TCF7L2: variants seen among roughly 807,000 people sequenced by gnomAD.
TCF7L2 encodes transcription factor 7-like 2.
In TCF7L2, 23 loss-of-function variants were observed where a neutral mutation model predicts 77.9. That is an observed-to-expected ratio of 0.30 (90% CI 0.21 to 0.42). TCF7L2 has a LOEUF of 0.42. TCF7L2 is among the 10% of genes least tolerant of loss of function. The pLI is 1.00. For synonymous variants in TCF7L2, 413 were observed against 340.2 expected (o/e 1.21, Z -2.36); for missense variants, 654 against 793.1 (o/e 0.82, Z 2.11).
At chr10:113,071,596 TG>T (rs1051907312) in intron 5 of TCF7L2, among the ~76,000 whole-genome samples, 1 of 152,224 alleles carries the variant, frequency 6.6e-6, no homozygotes, top group African/African-American at 2.4e-5. Context: ...TTTTCCGTTC[TG>T]GGCAGCAGCT....
chr10:113,044,417 G>A (rs1453547003), intron 5 of TCF7L2, among the ~76,000 whole-genome samples: 2 of 152,174 alleles, frequency 1.3e-5, no homozygotes, highest in African/African-American at 4.8e-5. Flanking sequence ...GCACCCTCTT[G>A]GTTATTAAAC....
At chr10:113,155,970 T>C (rs1307681523) in intron 11 of TCF7L2, among the ~76,000 whole-genome samples, 2 of 152,216 alleles carry the variant, frequency 1.3e-5, no homozygotes, top group Non-Finnish European at 2.9e-5. Flanking sequence ...AGCTCCCAAG[T>C]TGCACAGGCC....
intron 5 of TCF7L2, among the ~76,000 whole-genome samples, chr10:113,131,008 C>T (rs576099704): frequency 5.2e-4 from 79 of 152,066 alleles, no homozygotes; most frequent in Non-Finnish European, 1.1e-3. Flanking sequence ...TCAGGTGATC[C>T]GCCCGTCTCG....
At chr10:113,100,786 C>T (rs546373774) in intron 5 of TCF7L2, among the ~76,000 whole-genome samples, 1 of 152,298 alleles carries the variant, frequency 6.6e-6, no homozygotes, top group African/African-American at 2.4e-5. Context: ...AAAGAAATTC[C>T]ATCCTTCGGC....
chr10:113,102,978 A>G (rs965441558), intron 5 of TCF7L2, among the ~76,000 whole-genome samples: 1 of 152,250 alleles, frequency 6.6e-6, no homozygotes, highest in African/African-American at 2.4e-5. Flanking sequence ...CACTTACTGT[A>G]TACCAGGCTC....
At chr10:113,160,083 G>A (rs2072885656) in intron 12 of TCF7L2, 91 bp downstream of exon 14, 6 of 1,178,674 alleles carry the variant, frequency 5.1e-6, no homozygotes, top group Non-Finnish European at 5.0e-6. Context: ...TTGTAGCTCT[G>A]TGTGTGGATC....
At chr10:113,108,493 T>C (rs1176007195) in intron 5 of TCF7L2, among the ~76,000 whole-genome samples, 3 of 152,126 alleles carry the variant, frequency 2.0e-5, no homozygotes, top group Non-Finnish European at 4.4e-5. Flanking sequence ...AGAGATGCCA[T>C]TGTTTTCTCA....
rs146018087 is a variant in TCF7L2, at chr10:113,063,722, G to A, written c.552+23596G>A. Reference sequence around the variant, plus strand: ...GATTCCTTGCCTCTCCCAAGGAGCCGGAGGGTGGAGAAAGCAACAAGAAAA... The same window carrying A: ...GATTCCTTGCCTCTCCCAAGGAGCCAGAGGGTGGAGAAAGCAACAAGAAAA... On this transcript the variant is annotated intron_variant, in intron 5 of 13. Transcript: ENST00000627217. Among the ~76,000 whole-genome samples, 943 of 152,226 alleles carry A rather than the reference G, an allele frequency of 6.2e-3. 12 individuals are homozygous for A. The highest frequency in any genetic ancestry group is 0.021 in the African/African-American group (868 of 41,548).
intron 5 of TCF7L2, among the ~76,000 whole-genome samples, chr10:113,045,148 A>G (rs975069565): frequency 2.0e-5 from 3 of 152,134 alleles, no homozygotes; most frequent in Non-Finnish European, 4.4e-5. Flanking sequence ...TGATTGATTC[A>G]TTCATTGTTT....
chr10:113,078,757 C>G (rs1176185116), intron 5 of TCF7L2, among the ~76,000 whole-genome samples: 1 of 152,048 alleles, frequency 6.6e-6, no homozygotes, highest in Non-Finnish European at 1.5e-5. Context: ...GTGCTATCTC[C>G]CTTGTCTTCA....
intron 5 of TCF7L2, among the ~76,000 whole-genome samples, chr10:113,094,408 G>A (rs376467898): frequency 6.6e-5 from 10 of 152,262 alleles, no homozygotes; most frequent in African/African-American, 1.4e-4. Context: ...TTTTCAGTAC[G>A]TGGTATGTAT....
chr10:113,103,360 G>A (rs1009478434), intron 5 of TCF7L2, among the ~76,000 whole-genome samples: 2 of 152,148 alleles, frequency 1.3e-5, no homozygotes, highest in African/African-American at 4.8e-5. Context: ...TGGCAACATA[G>A]ATTTTTGTTT....
chr10:113,081,865 T>TGCCCAGGCTGC (rs1251172641), intron 5 of TCF7L2, among the ~76,000 whole-genome samples: 1 of 152,182 alleles, frequency 6.6e-6, no homozygotes, highest in Non-Finnish European at 1.5e-5. Context: ...GTCGCTCTGT[T>TGCCCAGGCTGC]GCCCAGGCTG....
chr10:112,952,962 C>G (rs1412315023), intron 3 of TCF7L2, among the ~76,000 whole-genome samples: 1 of 151,968 alleles, frequency 6.6e-6, no homozygotes. Context: ...TCATTTTACA[C>G]CTTCTCCAGT....
At chr10:113,145,347 G>C (rs988766312) in intron 7 of TCF7L2, among the ~76,000 whole-genome samples, 6 of 152,138 alleles carry the variant, frequency 3.9e-5, no homozygotes, top group Admixed American at 2.6e-4. Context: ...TAGATAAAAA[G>C]GAATAGCCAA....
intron 5 of TCF7L2, among the ~76,000 whole-genome samples, chr10:113,042,197 G>T (rs2052575533): frequency 6.6e-6 from 1 of 152,228 alleles, no homozygotes; most frequent in Non-Finnish European, 1.5e-5. Context: ...TCCTTCCAGA[G>T]CCTGTGTGGA....
intron 5 of TCF7L2, among the ~76,000 whole-genome samples, chr10:113,118,520 G>GGGGT (rs1555084613): frequency 7.6e-4 from 107 of 141,520 alleles, no homozygotes; most frequent in Admixed American, 6.2e-3. Context: ...TCATCTGGGG[G>GGGGT]GTGTGTGTGT....
chr10:112,952,096 G>C (rs1032232009), intron 3 of TCF7L2, among the ~76,000 whole-genome samples: 3 of 152,148 alleles, frequency 2.0e-5, no homozygotes, highest in Non-Finnish European at 2.9e-5. Flanking sequence ...CGGGCCACGA[G>C]TGACTGACTG....
At chr10:113,038,306 A>G (rs904304720) in intron 4 of TCF7L2, among the ~76,000 whole-genome samples, 5 of 152,166 alleles carry the variant, frequency 3.3e-5, no homozygotes, top group Admixed American at 6.5e-5. Context: ...GTCTTGTGGC[A>G]AGATGCAGAC....
Sources: gnomAD v4.1 joint callset for allele counts (sites outside exome capture counted in the v4.1 genomes callset) on GRCh38, gnomAD v4.1.1 for gene constraint, MANE v1.5 for transcripts, NCBI Gene and HGNC (gene_info 2026-07-23, HGNC 2026-07-21) for gene names.